Variants in CTIF observed in about 807,000 individuals in gnomAD.
CTIF encodes CBP80/20-dependent translation initiation factor.
Under a neutral mutation model 66.0 loss-of-function variants are expected in CTIF, and 21 were observed. The ratio of observed to expected loss-of-function variants is 0.32; its 90% CI spans 0.23 to 0.46. The LOEUF (loss-of-function observed/expected upper bound fraction) is 0.46. Ranked by LOEUF, CTIF falls within the 20% of genes least tolerant of loss-of-function variation. The pLI, the probability that CTIF is intolerant of heterozygous loss-of-function variation, is 1.00. For missense variants in CTIF, 739 were observed against 812.7 expected (o/e 0.91, Z 1.10); for synonymous variants, 345 against 326.4 (o/e 1.06, Z -0.62).
intron 10 of CTIF, among the ~76,000 whole-genome samples, chr18:48,851,102 GT>G (rs1218275049): frequency 6.6e-6 from 1 of 152,360 alleles, no homozygotes; most frequent in Non-Finnish European, 1.5e-5. Context: ...GGGCTCTAGG[GT>G]TGAGAACCCG....
chr18:48,575,656 C>A (rs188538627), intron 1 of CTIF, among the ~76,000 whole-genome samples: 1 of 152,332 alleles, frequency 6.6e-6, no homozygotes, highest in Admixed American at 6.5e-5. Context: ...CGTGGAGATG[C>A]AGCTTTGCTC....
chr18:48,684,333 C>G (rs1341686491), intron 6 of CTIF, among the ~76,000 whole-genome samples: 3 of 152,318 alleles, frequency 2.0e-5, no homozygotes, highest in Non-Finnish European at 4.4e-5. Context: ...TAGCAGCTTT[C>G]TACCCCCTGC....
intron 2 of CTIF, among the ~76,000 whole-genome samples, chr18:48,630,520 T>G (rs1244151205): frequency 1.3e-5 from 2 of 152,186 alleles, no homozygotes; most frequent in Non-Finnish European, 2.9e-5. Context: ...TATTTATTGA[T>G]GAGTCTCTCC....
In CTIF at chr18:48,636,686, G is replaced by T. The variant is rs1194749985; in HGVS notation, c.252+1G>T. ...CCGAGGGCGAGCCCCCCCACAGCAG[G>T]TAGGGAACCAGCTCTGCGCTCTGTC... is the stretch of plus-strand genomic sequence containing the variant. On this transcript the variant is annotated splice_donor_variant, in intron 3 of 11. Transcript: ENST00000256413. LOFTEE classifies it high-confidence loss of function. 2 of 1,594,324 alleles carry T rather than the reference G, an allele frequency of 1.3e-6. No homozygotes were observed. The highest frequency in any genetic ancestry group is 2.3e-5 in the East Asian group (1 of 43,702).
chr18:48,645,563 C>T (rs2091015077), intron 3 of CTIF, among the ~76,000 whole-genome samples: 1 of 152,202 alleles, frequency 6.6e-6, no homozygotes, highest in Non-Finnish European at 1.5e-5. Context: ...CAGTGGGGAG[C>T]TGTGACTTTC....
intron 9 of CTIF, among the ~76,000 whole-genome samples, chr18:48,813,609 A>G (rs2068305131): frequency 6.6e-6 from 1 of 152,216 alleles, no homozygotes. Context: ...CTCATCTCAA[A>G]TCCAATTTCC....
chr18:48,837,524 A>G (rs1271123898), intron 10 of CTIF, among the ~76,000 whole-genome samples: 1 of 152,102 alleles, frequency 6.6e-6, no homozygotes, highest in Non-Finnish European at 1.5e-5. Flanking sequence ...GGGGCACCTG[A>G]GCCTGGGTGA....
intron 6 of CTIF, among the ~76,000 whole-genome samples, chr18:48,676,100 G>A (rs901106328): frequency 2.6e-5 from 4 of 152,018 alleles, no homozygotes; most frequent in East Asian, 1.9e-4. Flanking sequence ...AAGTCGGCGC[G>A]ACCAGTGTGA....
rs181864705 is a variant in CTIF at position 48,720,753 on chromosome 18, C to T, written c.584+9058C>T. 1.4e-4 allele frequency among the ~76,000 whole-genome samples: 22 copies of T among 152,282 alleles called. No homozygotes were observed. The East Asian group carries it at 4.1e-3, about 28-fold the overall frequency. Reference sequence around the variant, plus strand: ...CCTGATACACCCAGAGAAAGCCCCACGCTTTGTACAAATCATGATGGTCCC... The same window carrying T: ...CCTGATACACCCAGAGAAAGCCCCATGCTTTGTACAAATCATGATGGTCCC... On this transcript the variant is annotated intron_variant, in intron 7 of 11. Transcript: ENST00000256413.
chr18:48,631,137 C>A (rs912636115), intron 2 of CTIF, among the ~76,000 whole-genome samples: 2 of 152,192 alleles, frequency 1.3e-5, no homozygotes, highest in Non-Finnish European at 2.9e-5. Context: ...ATGCTCAGTA[C>A]CCTGGGGTCT....
intron 10 of CTIF, among the ~76,000 whole-genome samples, chr18:48,840,595 A>C (rs982678446): frequency 2.6e-5 from 4 of 151,984 alleles, no homozygotes; most frequent in African/African-American, 4.8e-5. Context: ...CCCTACTGAC[A>C]CCCTGGGCAG....
At position 48,666,326 on chromosome 18, in the gene CTIF, C is replaced by T. The variant is rs115279897; in HGVS notation, c.431+1775C>T. 3.4e-3 allele frequency among the ~76,000 whole-genome samples: 523 copies of T among 152,270 alleles called. 5 individuals are homozygous for T. Among genetic ancestry groups the T allele is most frequent in the African/African-American group, 0.012 (500 of 41,544 alleles). ...AACCTCTCCTCTTGGCAACATTGGT[C>T]CCATCATAGTGTAATGAGCAACAAC... On this transcript the variant is annotated intron_variant, in intron 5 of 11. Transcript: ENST00000256413.
intron 9 of CTIF, among the ~76,000 whole-genome samples, chr18:48,795,456 T>C (rs1372464803): frequency 6.6e-6 from 1 of 152,210 alleles, no homozygotes; most frequent in Admixed American, 6.5e-5. Context: ...ACCAGGAGTA[T>C]TTTAAGGGAG....
At chr18:48,546,374 G>A (rs1402347530) in intron 1 of CTIF, among the ~76,000 whole-genome samples, 4 of 152,180 alleles carry the variant, frequency 2.6e-5, no homozygotes. Flanking sequence ...CGTCTGGGGT[G>A]GGAGGTCAGT....
intron 10 of CTIF, among the ~76,000 whole-genome samples, chr18:48,827,558 G>T (rs1053196482): frequency 2.6e-5 from 4 of 152,260 alleles, no homozygotes; most frequent in African/African-American, 9.6e-5. Flanking sequence ...TTAGCAGGAA[G>T]TGAAGGGCTA....
chr18:48,721,447 C>T (rs552458669), intron 7 of CTIF, among the ~76,000 whole-genome samples: 37 of 152,292 alleles, frequency 2.4e-4, no homozygotes, highest in African/African-American at 8.2e-4. Flanking sequence ...CACTAACACC[C>T]AACCCTTCAT....
chr18:48,796,322 C>A (rs1330220227), intron 9 of CTIF, among the ~76,000 whole-genome samples: 1 of 152,048 alleles, frequency 6.6e-6, no homozygotes, highest in African/African-American at 2.4e-5. Context: ...TACAGGCGAC[C>A]GTCACCATGT....
At chr18:48,778,863 G>A (rs1374352016) in intron 9 of CTIF, among the ~76,000 whole-genome samples, 2 of 152,200 alleles carry the variant, frequency 1.3e-5, no homozygotes, top group East Asian at 1.9e-4. Flanking sequence ...AGCAGGTCGC[G>A]CTGGTCCCTG....
chr18:48,675,282 G>A (rs113947268), intron 6 of CTIF, among the ~76,000 whole-genome samples: 1,651 of 152,342 alleles, frequency 0.011, 12 homozygotes, highest in Middle Eastern at 0.037. Context: ...GGTTGGCCAG[G>A]CTACCACTCT....
Sources: gnomAD v4.1 joint callset for allele counts (sites outside exome capture counted in the v4.1 genomes callset) on GRCh38, gnomAD v4.1.1 for gene constraint, MANE v1.5 for transcripts, NCBI Gene and HGNC (gene_info 2026-07-23, HGNC 2026-07-21) for gene names.